C3AR1: variants seen among roughly 807,000 people sequenced by gnomAD.
C3AR1 encodes C3a anaphylatoxin chemotactic receptor.
For synonymous variants in C3AR1, 208 were observed against 225.3 expected (o/e 0.92, Z 0.69); for missense variants, 579 against 583.5 (o/e 0.99, Z 0.08).
At chr12:8,063,606 C>CT (rs1463392195) in intron 1 of C3AR1, among the ~76,000 whole-genome samples, 1 of 152,090 alleles carries the variant, frequency 6.6e-6, no homozygotes, top group African/African-American at 2.4e-5. Flanking sequence ...ATGTTTGAAC[C>CT]TTTTTTTCAT....
Position 8,059,058 on chromosome 12 carries a change from A to G in C3AR1, c.1128T>C (p.Phe376=), listed in dbSNP as rs781246170. The G allele has an allele frequency of 1.3e-5, 21 of 1,614,092 alleles. No individual in the cohort carries two copies. The highest frequency in any genetic ancestry group is 1.7e-5 in the Non-Finnish European group (20 of 1,180,040). ...CAGCCACCACCACCACGGCCACTCG[A>G]AAGGTTTTGCTCTGAGACTTGGCGA... is the stretch of plus-strand genomic sequence containing the variant. The part of the protein sequence containing the change: ...GRFAKSQSKT[F]RVAVVVVAVF... The change falls in exon 2 of 2, where the codon TTT becomes TTC. Residue 376 remains phenylalanine, a synonymous_variant. Coordinates refer to ENST00000307637, the MANE Select transcript of C3AR1 (RefSeq NM_004054.4).
Position 8,059,526 on chromosome 12 carries a change from AT to A in C3AR1, c.659del (p.Asp220ValfsTer30), listed in dbSNP as rs1274117277. Reference sequence around the variant, plus strand: ...AGACAGTGGGGACTGTCCAAGGATGATCATTTGTTTGGAAAGAGGAAGGATC... The same window carrying A: ...AGACAGTGGGGACTGTCCAAGGATGACATTTGTTTGGAAAGAGGAAGGATC... ...RLDPSSFQTN[D>X]HPWTVPTVFQ... On this transcript the variant is annotated frameshift_variant, in exon 2 of 2. Transcript: ENST00000307637. LOFTEE classifies it low-confidence loss of function (END_TRUNC). 1 of 1,614,194 alleles carries A rather than the reference AT, an allele frequency of 6.2e-7. No individual in the cohort carries two copies. Among genetic ancestry groups the A allele is most frequent in the South Asian group, 1.1e-5 (1 of 91,074 alleles).
chr12:8,061,017 C>T (rs1448506931), intron 1 of C3AR1, among the ~76,000 whole-genome samples: 1 of 152,198 alleles, frequency 6.6e-6, no homozygotes, highest in Admixed American at 6.5e-5. Context: ...TTCATCCACT[C>T]TCCCCACCAG....
chr12:8,061,365 A>C (rs1277194652), intron 1 of C3AR1, among the ~76,000 whole-genome samples: 1 of 152,094 alleles, frequency 6.6e-6, no homozygotes, highest in Admixed American at 6.6e-5. Flanking sequence ...GTGTGTGTGC[A>C]TTTAGGTATA....
In C3AR1 at chr12:8,059,590, T is replaced by C; in HGVS notation, c.596A>G (p.Asn199Ser). Reference sequence around the variant, plus strand: ...CATTTCTCCAGGCGGCTGAACAATGTTTTCAAGAGACCTGTTTTCTAGTGG... The same window carrying C: ...CATTTCTCCAGGCGGCTGAACAATGCTTTCAAGAGACCTGTTTTCTAGTGG... Reference protein sequence around the residue: ...GDPLENRSLENIVQPPGEMND... With the variant: ...GDPLENRSLESIVQPPGEMND... Residue 199 changes from asparagine to serine, a missense_variant, in exon 2 of 2, where the codon AAC becomes AGC. Coordinates refer to ENST00000307637, the MANE Select transcript of C3AR1 (RefSeq NM_004054.4). 1 of 1,614,064 alleles carries C rather than the reference T, an allele frequency of 6.2e-7. No individual in the cohort carries two copies. Among genetic ancestry groups the C allele is most frequent in the Non-Finnish European group, 8.5e-7 (1 of 1,179,992 alleles).
rs1378948546 is a variant in C3AR1, at chr12:8,058,681, T to C, written c.*56A>G. On this transcript the variant is annotated 3_prime_UTR_variant, in exon 2 of 2. Coordinates refer to ENST00000307637, the MANE Select transcript of C3AR1 (RefSeq NM_004054.4). ...CTCACCATATCACTTCATCCTCTTA[T>C]AAACTTTCACTATGTGATTGCCTAA... The C allele has an allele frequency of 2.5e-5, 38 of 1,535,782 alleles. No individual in the cohort carries two copies. The highest frequency in any genetic ancestry group is 4.1e-5 in the Admixed American group (2 of 49,158).
rs11567796 is a variant in C3AR1 at position 8,063,207 on chromosome 12, C to T, written c.-10-3012G>A. ...TCCTGACCTGGTGATCCGCCCGCCTCGGCCTCCCAAAGTCCCGGGATTACA... is the reference window on the plus strand; with the variant it reads ...TCCTGACCTGGTGATCCGCCCGCCTTGGCCTCCCAAAGTCCCGGGATTACA... On this transcript the variant is annotated intron_variant, in intron 1 of 1. Coordinates refer to ENST00000307637, the MANE Select transcript of C3AR1 (RefSeq NM_004054.4). Among the ~76,000 whole-genome samples the T allele has an allele frequency of 8.0e-3, 1,214 of 152,208 alleles. 13 individuals are homozygous for T. Among genetic ancestry groups the T allele is most frequent in the African/African-American group, 0.027 (1,114 of 41,516 alleles).
rs1947206652 is a variant in C3AR1 at position 8,057,734 on chromosome 12, G to A, written c.*1003C>T. Among the ~76,000 whole-genome samples the A allele has an allele frequency of 6.6e-6, 1 of 152,170 alleles. No individual in the cohort carries two copies. The highest frequency in any genetic ancestry group is 1.5e-5 in the Non-Finnish European group (1 of 68,030). On this transcript the variant is annotated 3_prime_UTR_variant, in exon 2 of 2. Coordinates refer to ENST00000307637, the MANE Select transcript of C3AR1 (RefSeq NM_004054.4). ...TAAAATGTGATGGCAAGCCTGGTAG[G>A]GTACTCAGTTGCAGAGAGTAGAAGA...
Sources: allele counts gnomAD v4.1 joint callset (sites outside exome capture counted in the v4.1 genomes callset), GRCh38; gene constraint gnomAD v4.1.1; transcripts MANE v1.5; gene names NCBI Gene and HGNC (gene_info 2026-07-23, HGNC 2026-07-21).